PCED1B: variants seen among roughly 807,000 people sequenced by gnomAD.
The protein encoded by PCED1B is PC-esterase domain-containing protein 1B.
For synonymous variants in PCED1B, 251 were observed against 246.1 expected (o/e 1.02, Z -0.19); for missense variants, 573 against 573.9 (o/e 1.00, Z 0.02).
At chr12:47,170,909 A>G (rs190420903) in intron 2 of PCED1B, among the ~76,000 whole-genome samples, 20 of 151,666 alleles carry the variant, frequency 1.3e-4, no homozygotes, top group Admixed American at 1.2e-3. Flanking sequence ...TTTTCTTATT[A>G]ATTATCTTCC....
chr12:47,127,824 G>T (rs1252650017), intron 2 of PCED1B, among the ~76,000 whole-genome samples: 2 of 152,190 alleles, frequency 1.3e-5, no homozygotes, highest in Non-Finnish European at 2.9e-5. Context: ...TTCTGCTGTT[G>T]TTGGATGGAG....
intron 2 of PCED1B, among the ~76,000 whole-genome samples, chr12:47,198,798 C>T (rs1188023922): frequency 6.6e-6 from 1 of 151,890 alleles, no homozygotes; most frequent in Non-Finnish European, 1.5e-5. Flanking sequence ...AACCCTGTCT[C>T]TACTAAAAAT....
chr12:47,160,573 C>CTGAGCCACTTTGGGAGTATGTA (rs1354023677), intron 2 of PCED1B, among the ~76,000 whole-genome samples: 1 of 152,008 alleles, frequency 6.6e-6, no homozygotes, highest in Non-Finnish European at 1.5e-5. Context: ...TCCCAAAGTG[C>CTGAGCCACTTTGGGAGTATGTA]TGAGCCACTT....
At chr12:47,132,906 A>G (rs1160332110) in intron 2 of PCED1B, among the ~76,000 whole-genome samples, 1 of 152,218 alleles carries the variant, frequency 6.6e-6, no homozygotes, top group Non-Finnish European at 1.5e-5. Context: ...TTATCATTCA[A>G]AATACAGTAC....
At chr12:47,195,885 G>T (rs990075443) in intron 2 of PCED1B, among the ~76,000 whole-genome samples, 2 of 152,120 alleles carry the variant, frequency 1.3e-5, no homozygotes, top group Non-Finnish European at 2.9e-5. Flanking sequence ...ACGGGCTATG[G>T]TTATGTTTTA....
rs760822935 is a variant in PCED1B, at chr12:47,235,565, G to A, written c.502G>A (p.Val168Met). 1.9e-6 allele frequency: 3 copies of A among 1,609,256 alleles called. No homozygotes were observed. In the East Asian group the frequency reaches 6.7e-5, roughly 36 times the overall value. The stretch of plus-strand genomic sequence containing the variant: ...CCTGGTGTGGAACACGGCCATGCCT[G>A]TGGGCGAGGAAGTCACCGGGGGTTT... ...CLLVWNTAMPVGEEVTGGFLP... is the reference protein window; with the variant it reads ...CLLVWNTAMPMGEEVTGGFLP... The change falls in exon 4 of 4, where the codon GTG becomes ATG. Residue 168 changes from valine (V) to methionine (M), a missense_variant. Val to Met is a conservative substitution (Grantham distance 21). Transcript: ENST00000546455.
intron 2 of PCED1B, among the ~76,000 whole-genome samples, chr12:47,191,786 GT>G (rs1176596559): frequency 6.6e-6 from 1 of 150,744 alleles, no homozygotes. Context: ...GGTTTTTTTG[GT>G]TTTTTTGTTT....
intron 1 of PCED1B, among the ~76,000 whole-genome samples, chr12:47,095,227 G>C (rs1191481324): frequency 6.6e-6 from 1 of 151,958 alleles, no homozygotes; most frequent in Non-Finnish European, 1.5e-5. Context: ...TATAATTCTA[G>C]TCTGGCAATT....
At chr12:47,157,150 A>G (rs1000849730) in intron 2 of PCED1B, among the ~76,000 whole-genome samples, 1 of 152,190 alleles carries the variant, frequency 6.6e-6, no homozygotes, top group Non-Finnish European at 1.5e-5. Flanking sequence ...AGACTGTGTT[A>G]GGAATGGGTT....
intron 1 of PCED1B, among the ~76,000 whole-genome samples, chr12:47,100,729 A>G (rs936829231): frequency 6.6e-6 from 1 of 152,196 alleles, no homozygotes; most frequent in Non-Finnish European, 1.5e-5. Context: ...GGATTGTGGT[A>G]ATAAGTCTAT....
intron 2 of PCED1B, among the ~76,000 whole-genome samples, chr12:47,163,019 A>G (rs1280853851): frequency 2.0e-5 from 3 of 152,148 alleles, no homozygotes; most frequent in African/African-American, 7.2e-5. Flanking sequence ...TGACTTGGGG[A>G]AGCACTGACA....
At chr12:47,135,429 G>T in intron 2 of PCED1B, 1 of 265,480 alleles carries the variant, frequency 3.8e-6, no homozygotes, top group South Asian at 4.3e-5. Context: ...ATGGAAGGCG[G>T]AGTGCATGGG....
intron 2 of PCED1B, among the ~76,000 whole-genome samples, chr12:47,195,938 TA>T (rs1942590344): frequency 6.6e-6 from 1 of 152,236 alleles, no homozygotes; most frequent in African/African-American, 2.4e-5. Flanking sequence ...TTACATTTTT[TA>T]AAAACTGCTT....
At chr12:47,100,983 T>C (rs1482947641) in intron 1 of PCED1B, among the ~76,000 whole-genome samples, 1 of 151,904 alleles carries the variant, frequency 6.6e-6, no homozygotes, top group Non-Finnish European at 1.5e-5. Context: ...GGCAGGAGAA[T>C]CACTTGAACC....
chr12:47,169,854 CA>C (rs34644611), intron 2 of PCED1B, among the ~76,000 whole-genome samples: 160 of 112,970 alleles, frequency 1.4e-3, no homozygotes, highest in Non-Finnish European at 1.5e-3. Flanking sequence ...GACCCTGTCT[CA>C]AAAAAAAAAA....
At chr12:47,125,212 C>T (rs1394197642) in intron 2 of PCED1B, among the ~76,000 whole-genome samples, 1 of 151,924 alleles carries the variant, frequency 6.6e-6, no homozygotes, top group African/African-American at 2.4e-5. Context: ...TATGGAGAGT[C>T]ATTTTTTGTT....
chr12:47,232,914 TTTATTTATTTA>T (rs1943852865), intron 3 of PCED1B, among the ~76,000 whole-genome samples: 1 of 147,232 alleles, frequency 6.8e-6, no homozygotes. Context: ...ATTTTATTTA[TTTATTTATTTA>T]TTTATTTATT....
intron 2 of PCED1B, among the ~76,000 whole-genome samples, chr12:47,132,312 T>A (rs1940166633): frequency 6.6e-6 from 1 of 151,920 alleles, no homozygotes; most frequent in African/African-American, 2.4e-5. Flanking sequence ...ATTATATTGA[T>A]TAATTTTTAT....
chr12:47,188,061 C>T (rs1325368020), intron 2 of PCED1B, among the ~76,000 whole-genome samples: 3 of 152,110 alleles, frequency 2.0e-5, no homozygotes, highest in African/African-American at 7.2e-5. Context: ...GCACCTCTTC[C>T]TTCTTGGAGT....
Sources: gnomAD v4.1 joint callset for allele counts (sites outside exome capture counted in the v4.1 genomes callset) on GRCh38, gnomAD v4.1.1 for gene constraint, MANE v1.5 for transcripts, NCBI Gene and HGNC (gene_info 2026-07-23, HGNC 2026-07-21) for gene names.